Variants in STAB2 observed in about 807,000 individuals in gnomAD.
STAB2 encodes stabilin 2.
A neutral mutation model predicts 338.1 loss-of-function variants in STAB2; 288 were observed. The observed-to-expected ratio is 0.85, with a 90% CI of 0.77 to 0.94. STAB2 has a LOEUF of 0.94. STAB2 is among the 40% of genes least tolerant of loss of function. The pLI is 0.00. For synonymous variants in STAB2, 1,202 were observed against 1,193.3 expected (o/e 1.01, Z -0.15); for missense variants, 3,141 against 3,210.1 (o/e 0.98, Z 0.52).
At position 103,652,700 on chromosome 12, in the gene STAB2, G is replaced by A. The variant is rs377011398; in HGVS notation, c.1402G>A (p.Asp468Asn). 59 of 1,598,002 alleles carry A rather than the reference G, an allele frequency of 3.7e-5. No individual in the cohort carries two copies. Among genetic ancestry groups the A allele is most frequent in the Non-Finnish European group, 4.6e-5 (54 of 1,173,240 alleles). ...TGKSGEIFNS[D>N]KDNQIKLKLH... ...AAAGTCGGGGGAAATCTTCAACAGCGATAAGGTAAGGGTTCCTCTGATTTT... is the reference window on the plus strand; with the variant it reads ...AAAGTCGGGGGAAATCTTCAACAGCAATAAGGTAAGGGTTCCTCTGATTTT... The change falls in exon 12 of 69, where the codon GAT becomes AAT. Residue 468 changes from aspartate (D) to asparagine (N), a missense_variant. Asp to Asn is a conservative substitution (Grantham distance 23). Coordinates refer to ENST00000388887, the MANE Select transcript of STAB2 (RefSeq NM_017564.10).
At chr12:103,758,319 A>G in intron 64 of STAB2, 30 bp downstream of exon 64, 1 of 1,609,904 alleles carries the variant, frequency 6.2e-7, no homozygotes, top group Non-Finnish European at 8.5e-7. Flanking sequence ...CCTTTGCTTT[A>G]GACTAGCATG....
intron 3 of STAB2, among the ~76,000 whole-genome samples, chr12:103,618,767 G>T (rs1444757000): frequency 6.6e-6 from 1 of 152,146 alleles, no homozygotes; most frequent in Non-Finnish European, 1.5e-5. Context: ...TCAGAGGATT[G>T]CTGTGAGTTG....
intron 9 of STAB2, among the ~76,000 whole-genome samples, chr12:103,646,815 T>A (rs538625903): frequency 6.6e-6 from 1 of 152,322 alleles, no homozygotes; most frequent in Admixed American, 6.5e-5. Flanking sequence ...TCTAGGACAG[T>A]ATACCATCTA....
chr12:103,661,736 T>C (rs761078967), intron 17 of STAB2, among the ~76,000 whole-genome samples: 1 of 151,966 alleles, frequency 6.6e-6, no homozygotes, highest in Non-Finnish European at 1.5e-5. Flanking sequence ...AGTGTGAATA[T>C]CCGGGGGACA....
At position 103,739,434 on chromosome 12, in the gene STAB2, A is replaced by G; in HGVS notation, c.5720A>G (p.Asn1907Ser). 6.3e-7 allele frequency: 1 copy of G among 1,595,330 alleles called. No individual in the cohort carries two copies. The highest frequency in any genetic ancestry group is 8.5e-7 in the Non-Finnish European group (1 of 1,171,128). ...TAGGGGGAGTGTGGGAGCTGTGTCA[A>G]TACTCCCAGCTGCCCAAGGTGGAGT... ...DASGECGSCV[N>S]TPSCPRWSKP... The change falls in exon 54 of 69, where the codon AAT (asparagine) becomes AGT (serine). Residue 1907 changes from asparagine (N) to serine (S), a missense_variant. Transcript: ENST00000388887.
intron 42 of STAB2, 121 bp downstream of exon 42, chr12:103,713,889 A>G: frequency 1.3e-6 from 2 of 1,483,530 alleles, no homozygotes; most frequent in Non-Finnish European, 1.8e-6. Flanking sequence ...TCCATTTGCC[A>G]GGGCAGGAAA....
chr12:103,755,770 A>G, intron 63 of STAB2, 52 bp downstream of exon 63: 1 of 1,575,260 alleles, frequency 6.3e-7, no homozygotes, highest in East Asian at 2.2e-5. Flanking sequence ...GTTGCCTCAA[A>G]GCAGGTATTA....
chr12:103,653,369 G>A (rs536467956), intron 12 of STAB2, among the ~76,000 whole-genome samples: 2 of 152,226 alleles, frequency 1.3e-5, no homozygotes, highest in Admixed American at 1.3e-4. Context: ...TGTTACATAA[G>A]GCTCACAATA....
At chr12:103,757,886 G>A (rs1884252969) in intron 63 of STAB2, 2 of 429,186 alleles carry the variant, frequency 4.7e-6, no homozygotes, top group African/African-American at 2.0e-5. Context: ...GCAGGATTTT[G>A]AGAAGACTCG....
intron 34 of STAB2, among the ~76,000 whole-genome samples, chr12:103,701,886 A>T (rs73189887): frequency 3.9e-5 from 6 of 151,926 alleles, no homozygotes; most frequent in African/African-American, 1.5e-4. Context: ...TTGCTGTAAC[A>T]TGGATTTCTG....
chr12:103,758,185 T>C lies in STAB2; in HGVS notation c.7003T>C (p.Ser2335Pro). The C allele has an allele frequency of 6.2e-7, 1 of 1,614,050 alleles. No individual in the cohort carries two copies. The highest frequency in any genetic ancestry group is 8.5e-7 in the Non-Finnish European group (1 of 1,180,010). Residue 2335 changes from serine (S) to proline (P), a missense_variant, in exon 64 of 69, where the codon TCC becomes CCC. Physicochemically the swap from Ser to Pro is moderately conservative, Grantham distance 74. Transcript: ENST00000388887. ...TTCTCCCCAGGAAGTGCTGGCCTATTCCAACAGCTCAGCTCGAGGCCGTGC... is the reference window on the plus strand; with the variant it reads ...TTCTCCCCAGGAAGTGCTGGCCTATCCCAACAGCTCAGCTCGAGGCCGTGC... ...TNFLTEVLAYSNSSARGRAFL... is the reference protein window; with the variant it reads ...TNFLTEVLAYPNSSARGRAFL...
chr12:103,733,429 A>G (rs1405977316), intron 51 of STAB2, among the ~76,000 whole-genome samples: 1 of 152,080 alleles, frequency 6.6e-6, no homozygotes, highest in African/African-American at 2.4e-5. Flanking sequence ...ATCAATACCC[A>G]AGAGCATCAT....
chr12:103,641,378 AC>A (rs1238710181), intron 9 of STAB2, among the ~76,000 whole-genome samples: 1 of 152,198 alleles, frequency 6.6e-6, no homozygotes, highest in Non-Finnish European at 1.5e-5. Context: ...TGTTTCTTCA[AC>A]CATAAAAGGG....
In STAB2 at chr12:103,637,212, C is replaced by T. The variant is rs1298880568; in HGVS notation, c.685C>T (p.Arg229Ter). 15 of 1,611,672 alleles carry T rather than the reference C, an allele frequency of 9.3e-6. No homozygotes were observed. The highest frequency in any genetic ancestry group is 2.2e-5 in the South Asian group (2 of 90,672). ...KLECKCLPNY[R>*]GDGKYCDPIN... Reference sequence around the variant, plus strand: ...GGAATGCAAATGCCTTCCCAATTACCGAGGCGATGGCAAATACTGCGACCG... The same window carrying T: ...GGAATGCAAATGCCTTCCCAATTACTGAGGCGATGGCAAATACTGCGACCG... Residue 229 changes from arginine (R) to a stop codon, truncating the protein, a stop_gained, in exon 7 of 69, where the codon CGA becomes TGA. Coordinates refer to ENST00000388887, the MANE Select transcript of STAB2 (RefSeq NM_017564.10). LOFTEE classifies it high-confidence loss of function.
rs777794619 is a variant in STAB2 at position 103,727,309 on chromosome 12, G to C, written c.4894G>C (p.Val1632Leu). ...TCTGGTCGGCCCAGGCCCCTTCACTGTTTTTGCACCTTTATCTGCAGCCTT... is the reference window on the plus strand; with the variant it reads ...TCTGGTCGGCCCAGGCCCCTTCACTCTTTTTGCACCTTTATCTGCAGCCTT... ...KDLVGPGPFT[V>L]FAPLSAAFDE... The change falls in exon 47 of 69, where the codon GTT becomes CTT. Residue 1632 changes from valine to leucine, a missense_variant. Physicochemically the swap from Val to Leu is conservative, Grantham distance 32. Transcript: ENST00000388887. 5.6e-6 allele frequency: 9 copies of C among 1,614,138 alleles called. No homozygotes were observed. In the African/African-American group the frequency reaches 1.2e-4, roughly 22 times the overall value.
chr12:103,759,328 C>G (rs1884372713), intron 65 of STAB2, 55 bp downstream of exon 65: 3 of 1,598,430 alleles, frequency 1.9e-6, no homozygotes, highest in Non-Finnish European at 2.6e-6. Context: ...TGCAAAGTTC[C>G]TGGCATACAG....
At chr12:103,727,375 G>A (rs770398921) in intron 47 of STAB2, 25 bp downstream of exon 47, 35 of 1,612,232 alleles carry the variant, frequency 2.2e-5, no homozygotes, top group Non-Finnish European at 2.0e-5. Flanking sequence ...GTGGGCAGAA[G>A]GGGGAGGTCT....
chr12:103,748,848 C>G, intron 58 of STAB2, 115 bp from the exon 59 acceptor site: 3 of 1,089,658 alleles, frequency 2.8e-6, no homozygotes, highest in Non-Finnish European at 3.9e-6. Context: ...CACGAACACG[C>G]AGGGGCCCAT....
At chr12:103,673,406 G>T (rs550230119) in intron 22 of STAB2, among the ~76,000 whole-genome samples, 1 of 152,042 alleles carries the variant, frequency 6.6e-6, no homozygotes, top group Admixed American at 6.5e-5. Context: ...GAGTACAGAG[G>T]TGCAGTCATA....
Sources: allele counts gnomAD v4.1 joint callset (sites outside exome capture counted in the v4.1 genomes callset), GRCh38; gene constraint gnomAD v4.1.1; transcripts MANE v1.5; gene names NCBI Gene and HGNC (gene_info 2026-07-23, HGNC 2026-07-21).